The following NLGN1 variants were observed in gnomAD, a reference collection of about 807,000 sequenced individuals.
NLGN1 encodes neuroligin-1.
A neutral mutation model predicts 65.5 loss-of-function variants in NLGN1; 12 were observed. The ratio of observed to expected loss-of-function variants is 0.18; its 90% CI spans 0.12 to 0.30. NLGN1 has a LOEUF of 0.30. Ranked by LOEUF, NLGN1 falls within the 10% of genes least tolerant of loss-of-function variation. The probability of loss-of-function intolerance (pLI) is 1.00; values close to 1 mark genes in which losing one functional copy is unlikely to be tolerated. For synonymous variants in NLGN1, 350 were observed against 359.5 expected, an observed-to-expected ratio of 0.97 and a Z score of 0.30; for missense variants, 750 against 1,007.1, an observed-to-expected ratio of 0.74 and a Z score of 3.46.
At chr3:174,286,468 G>A (rs1253558297) in exon 7 of NLGN1, 2 of 151,500 alleles carry the variant, frequency 1.3e-5, no homozygotes, top group Middle Eastern at 3.2e-3. Flanking sequence ...AAGGATTTTA[G>A]TGGTTTTGAT....
At chr3:173,891,012 A>G (rs1455727619) in intron 4 of NLGN1, among the ~76,000 whole-genome samples, 1 of 152,150 alleles carries the variant, frequency 6.6e-6, no homozygotes, top group Non-Finnish European at 1.5e-5. Flanking sequence ...AGTGGAGATC[A>G]GCAGACATAA....
intron 2 of NLGN1, among the ~76,000 whole-genome samples, chr3:173,541,042 C>T (rs761879207): frequency 6.6e-6 from 1 of 152,090 alleles, no homozygotes; most frequent in Non-Finnish European, 1.5e-5. Context: ...CAGTGACGTG[C>T]CATCCCACTA....
chr3:173,502,944 A>G (rs1391338695), intron 2 of NLGN1, among the ~76,000 whole-genome samples: 2 of 152,116 alleles, frequency 1.3e-5, no homozygotes, highest in Non-Finnish European at 2.9e-5. Flanking sequence ...CTAAAGTTGA[A>G]TTATATATGA....
chr3:173,817,451 C>T (rs961251975), intron 4 of NLGN1, among the ~76,000 whole-genome samples: 5 of 152,158 alleles, frequency 3.3e-5, no homozygotes, highest in African/African-American at 1.2e-4. Flanking sequence ...GGTTGGTAGT[C>T]AATGGATGAG....
chr3:174,251,618 A>G (rs1744783847), intron 4 of NLGN1, among the ~76,000 whole-genome samples: 1 of 152,204 alleles, frequency 6.6e-6, no homozygotes, highest in African/African-American at 2.4e-5. Flanking sequence ...GATAACAGGT[A>G]AAAACCCTAA....
At chr3:173,744,406 T>C (rs903215005) in intron 3 of NLGN1, among the ~76,000 whole-genome samples, 2 of 152,128 alleles carry the variant, frequency 1.3e-5, no homozygotes, top group Non-Finnish European at 2.9e-5. Context: ...ACTGGGAGCA[T>C]ATTTCCTAGT....
intron 2 of NLGN1, among the ~76,000 whole-genome samples, chr3:173,586,537 T>C (rs1211147113): frequency 6.6e-6 from 1 of 152,234 alleles, no homozygotes; most frequent in Non-Finnish European, 1.5e-5. Flanking sequence ...ATTTGTTTTC[T>C]AAAGATGAAA....
intron 4 of NLGN1, among the ~76,000 whole-genome samples, chr3:174,142,043 C>G (rs1428038328): frequency 6.6e-6 from 1 of 152,168 alleles, no homozygotes; most frequent in East Asian, 1.9e-4. Context: ...CCCCTACCCT[C>G]ACCTCTAGAA....
chr3:173,675,353 C>T (rs1429978845), intron 3 of NLGN1, among the ~76,000 whole-genome samples: 1 of 152,088 alleles, frequency 6.6e-6, no homozygotes, highest in South Asian at 2.1e-4. Flanking sequence ...GCGCATATAT[C>T]TCTCAATTGA....
At chr3:173,985,344 C>T (rs1360710825) in intron 4 of NLGN1, among the ~76,000 whole-genome samples, 1 of 152,136 alleles carries the variant, frequency 6.6e-6, no homozygotes, top group Non-Finnish European at 1.5e-5. Flanking sequence ...GAGCCTGTAC[C>T]TACCACCTTC....
At chr3:174,103,446 A>G (rs1238892637) in intron 4 of NLGN1, among the ~76,000 whole-genome samples, 2 of 152,178 alleles carry the variant, frequency 1.3e-5, no homozygotes, top group Non-Finnish European at 2.9e-5. Flanking sequence ...AGACCATCAT[A>G]CATAGCCAGA....
At chr3:173,486,192 G>A (rs1301318462) in intron 2 of NLGN1, among the ~76,000 whole-genome samples, 1 of 151,974 alleles carries the variant, frequency 6.6e-6, no homozygotes, top group African/African-American at 2.4e-5. Context: ...TTACAGGCAT[G>A]CGCCACCACT....
intron 3 of NLGN1, among the ~76,000 whole-genome samples, chr3:173,617,396 A>T (rs560283972): frequency 2.0e-5 from 3 of 152,360 alleles, no homozygotes; most frequent in African/African-American, 7.2e-5. Context: ...CATTGAAAAC[A>T]TAATCAACCT....
At chr3:174,019,151 G>A (rs1328512363) in intron 4 of NLGN1, among the ~76,000 whole-genome samples, 1 of 152,130 alleles carries the variant, frequency 6.6e-6, no homozygotes, top group Non-Finnish European at 1.5e-5. Context: ...CTAGTGTATT[G>A]ATATACTACA....
rs1453460702 is a variant in NLGN1, at chr3:173,665,557, T to G, written c.493+60466T>G. 3.3e-5 allele frequency among the ~76,000 whole-genome samples: 5 copies of G among 152,270 alleles called. No homozygotes were observed. In the East Asian group the frequency reaches 9.7e-4, roughly 29 times the overall value. ...ATACATCATTATATTTCTGCGGAAA[T>G]GACAAGGTTTACATAATTGACATTG... is the stretch of plus-strand genomic sequence containing the variant. On this transcript the variant is annotated intron_variant, in intron 3 of 6. Coordinates refer to ENST00000457714, the Ensembl canonical transcript of NLGN1.
chr3:174,278,749 T>C, intron 5 of NLGN1, 112 bp from the exon 6 acceptor site: 3 of 819,558 alleles, frequency 3.7e-6, no homozygotes, highest in South Asian at 6.6e-5. Flanking sequence ...TAACTCCCTG[T>C]TTCTTGAGCT....
chr3:173,439,033 A>G (rs1718663323), intron 2 of NLGN1, among the ~76,000 whole-genome samples: 1 of 152,206 alleles, frequency 6.6e-6, no homozygotes, highest in African/African-American at 2.4e-5. Context: ...AGCTTGACAA[A>G]TATCTCATAT....
chr3:174,110,910 A>T (rs562878343), intron 4 of NLGN1, among the ~76,000 whole-genome samples: 41 of 152,070 alleles, frequency 2.7e-4, no homozygotes, highest in Non-Finnish European at 4.7e-4. Flanking sequence ...CAATCTCTCT[A>T]TGGCCTTTGG....
intron 3 of NLGN1, among the ~76,000 whole-genome samples, chr3:173,650,425 A>G: frequency 6.6e-6 from 1 of 152,180 alleles, no homozygotes; most frequent in East Asian, 1.9e-4. Flanking sequence ...TGTGGAAGAT[A>G]ATACAGATTT....
Sources: allele counts gnomAD v4.1 joint callset (sites outside exome capture counted in the v4.1 genomes callset), GRCh38; gene constraint gnomAD v4.1.1; transcripts MANE v1.5; gene names NCBI Gene and HGNC (gene_info 2026-07-23, HGNC 2026-07-21).